The following PKP4 variants were observed in gnomAD, a reference collection of about 807,000 sequenced individuals.
PKP4 encodes the protein plakophilin 4.
Under a neutral mutation model 145.1 loss-of-function variants are expected in PKP4, and 90 were observed. The ratio of observed to expected loss-of-function variants is 0.62; its 90% CI spans 0.52 to 0.74. The LOEUF (loss-of-function observed/expected upper bound fraction) is 0.74. Among genes scored for constraint, PKP4 ranks in the 30% least tolerant of loss-of-function variants. The pLI is 0.00. For synonymous variants in PKP4, 563 were observed against 577.2 expected, an observed-to-expected ratio of 0.98 and a Z score of 0.35; for missense variants, 1,340 against 1,482.7, an observed-to-expected ratio of 0.90 and a Z score of 1.58.
chr2:158,546,557 G>A (rs1212723011), intron 2 of PKP4, among the ~76,000 whole-genome samples: 1 of 152,172 alleles, frequency 6.6e-6, no homozygotes, highest in Non-Finnish European at 1.5e-5. Context: ...CATAGGGCAT[G>A]AGCCAAAAAA....
intron 19 of PKP4, 63 bp from the exon 20 acceptor site, chr2:158,676,676 C>CAGAT (rs2058037033): frequency 2.5e-6 from 4 of 1,594,842 alleles, no homozygotes; most frequent in Non-Finnish European, 1.7e-6. Flanking sequence ...GGATTTTCCA[C>CAGAT]AGATACTGAT....
Position 158,673,723 on chromosome 2 carries a change from T to C in PKP4, c.2971T>C (p.Leu991=), listed in dbSNP as rs1301444378. 6.2e-7 allele frequency: 1 copy of C among 1,613,424 alleles called. No homozygotes were observed. The highest frequency in any genetic ancestry group is 8.5e-7 in the Non-Finnish European group (1 of 1,179,576). Residue 991 remains leucine, a synonymous_variant, in exon 18 of 22, where the codon TTA becomes CTA. Transcript: ENST00000389759. The part of the protein sequence containing the change: ...VKAAAQVLNT[L]WQYRDLRSIY... ...GGCAGCAGCCCAGGTCTTGAATACA[T>C]TATGGCAATATCGGGACCTCCGGAG...
intron 2 of PKP4, among the ~76,000 whole-genome samples, chr2:158,559,325 C>T (rs2046335569): frequency 6.6e-6 from 1 of 151,950 alleles, no homozygotes; most frequent in Admixed American, 6.6e-5. Flanking sequence ...TTGTGGGTCT[C>T]GGTGGTAGAC....
At chr2:158,469,413 T>C (rs4664962) in intron 1 of PKP4, among the ~76,000 whole-genome samples, 59,521 of 152,020 alleles carry the variant, frequency 0.39, 12,362 homozygotes, top group East Asian at 0.68. Context: ...TCTAAAGTGA[T>C]TTTCTTATCC....
chr2:158,475,287 A>G (rs753942480), intron 1 of PKP4, among the ~76,000 whole-genome samples: 17 of 152,302 alleles, frequency 1.1e-4, no homozygotes, highest in Middle Eastern at 3.4e-3. Flanking sequence ...ACATATCTAT[A>G]TGCTGTTTCC....
chr2:158,535,283 C>G (rs914020370), intron 2 of PKP4, among the ~76,000 whole-genome samples: 2 of 152,122 alleles, frequency 1.3e-5, no homozygotes, highest in African/African-American at 4.8e-5. Flanking sequence ...TACCATTCAC[C>G]TTATATGTTT....
chr2:158,502,151 A>T (rs540486689), intron 1 of PKP4, among the ~76,000 whole-genome samples: 1 of 152,188 alleles, frequency 6.6e-6, no homozygotes, highest in African/African-American at 2.4e-5. Context: ...ATTTTTAAAA[A>T]ATCATGAAAT....
At chr2:158,532,771 C>G (rs2043684771) in intron 1 of PKP4, among the ~76,000 whole-genome samples, 1 of 152,336 alleles carries the variant, frequency 6.6e-6, no homozygotes, top group Admixed American at 6.5e-5. Flanking sequence ...CAAGGGTGAC[C>G]TTGTTGCTAG....
chr2:158,585,935 C>T (rs13417157), intron 3 of PKP4, among the ~76,000 whole-genome samples: 12,244 of 139,808 alleles, frequency 0.088, 668 homozygotes, highest in Middle Eastern at 0.18. Flanking sequence ...TTTTCCTTTT[C>T]CCTGTCCTCA....
chr2:158,504,893 G>C (rs538506047), intron 1 of PKP4, among the ~76,000 whole-genome samples: 1 of 152,244 alleles, frequency 6.6e-6, no homozygotes, highest in South Asian at 2.1e-4. Flanking sequence ...GTGATGTTTT[G>C]TCTGTTTTTG....
intron 9 of PKP4, among the ~76,000 whole-genome samples, chr2:158,638,916 T>C (rs888189094): frequency 1.2e-4 from 18 of 152,322 alleles, no homozygotes; most frequent in Non-Finnish European, 2.6e-4. Context: ...CATTCTTTCC[T>C]TGGCCACTAG....
chr2:158,652,238 G>A (rs2055433010), intron 11 of PKP4, among the ~76,000 whole-genome samples: 2 of 152,166 alleles, frequency 1.3e-5, no homozygotes, highest in African/African-American at 4.8e-5. Context: ...GTGCATCTCA[G>A]TTTGGACTAG....
Position 158,557,114 on chromosome 2 carries a change from G to A in PKP4, c.133-20157G>A, listed in dbSNP as rs149635543. ...TGAGATTAATAGTAATATATTCCTC[G>A]TGGGGTTATTGTAGAATTTAAATAA... On this transcript the variant is annotated intron_variant, in intron 2 of 21. Transcript: ENST00000389759. Among the ~76,000 whole-genome samples, 1,278 of 152,046 alleles carry A rather than the reference G, an allele frequency of 8.4e-3. 16 individuals are homozygous for A. Among genetic ancestry groups the A allele is most frequent in the African/African-American group, 0.028 (1,170 of 41,500 alleles).
chr2:158,505,504 C>A (rs2040889817), intron 1 of PKP4, among the ~76,000 whole-genome samples: 1 of 152,200 alleles, frequency 6.6e-6, no homozygotes, highest in Admixed American at 6.5e-5. Context: ...GTGCTGCCTG[C>A]TGACAGCTGT....
chr2:158,670,543 T>C (rs576196611), intron 17 of PKP4, among the ~76,000 whole-genome samples: 2 of 152,258 alleles, frequency 1.3e-5, no homozygotes, highest in East Asian at 3.9e-4. Context: ...CCACAACTGG[T>C]CATGCCAACT....
chr2:158,574,408 T>C (rs2047667487), intron 2 of PKP4, among the ~76,000 whole-genome samples: 1 of 152,220 alleles, frequency 6.6e-6, no homozygotes, highest in South Asian at 2.1e-4. Flanking sequence ...TTTAACTTCA[T>C]AGATGATGTC....
intron 1 of PKP4, among the ~76,000 whole-genome samples, chr2:158,529,375 A>G (rs192271732): frequency 2.8e-4 from 43 of 152,286 alleles, no homozygotes; most frequent in Admixed American, 1.9e-3. Context: ...TTCTTGTTCC[A>G]TTAACTACCA....
At chr2:158,580,333 G>A (rs2048230253) in intron 3 of PKP4, among the ~76,000 whole-genome samples, 1 of 152,154 alleles carries the variant, frequency 6.6e-6, no homozygotes, top group Admixed American at 6.5e-5. Flanking sequence ...AGTGACTGTG[G>A]CACCACCAGT....
At chr2:158,509,862 G>A (rs1012008810) in intron 1 of PKP4, among the ~76,000 whole-genome samples, 5 of 150,990 alleles carry the variant, frequency 3.3e-5, no homozygotes, top group African/African-American at 9.8e-5. Context: ...GAGGAGAATC[G>A]CTTGAACCCA....
Sources: allele counts gnomAD v4.1 joint callset (sites outside exome capture counted in the v4.1 genomes callset), GRCh38; gene constraint gnomAD v4.1.1; transcripts MANE v1.5; gene names NCBI Gene and HGNC (gene_info 2026-07-23, HGNC 2026-07-21).